The following MEF2C variants were observed in gnomAD, a reference collection of about 807,000 sequenced individuals.
MEF2C encodes myocyte-specific enhancer factor 2C.
A neutral mutation model predicts 50.5 loss-of-function variants in MEF2C; 6 were observed. That is an observed-to-expected ratio of 0.12 (90% confidence interval 0.07 to 0.23). The LOEUF is 0.23. Among genes scored for constraint, MEF2C ranks in the 10% least tolerant of loss-of-function variants. MEF2C has a pLI of 1.00. For synonymous variants in MEF2C, 183 were observed against 228.0 expected, an observed-to-expected ratio of 0.80 and a Z score of 1.78; for missense variants, 276 against 605.0, an observed-to-expected ratio of 0.46 and a Z score of 5.70.
intron 1 of MEF2C, among the ~76,000 whole-genome samples, chr5:88,878,287 G>C (rs1236064155): frequency 6.6e-6 from 1 of 151,958 alleles, no homozygotes; most frequent in Non-Finnish European, 1.5e-5. Flanking sequence ...GACACCTCAG[G>C]AAGAGGCCCA....
At chr5:88,798,423 A>G (rs1006461224) in intron 3 of MEF2C, among the ~76,000 whole-genome samples, 3 of 151,328 alleles carry the variant, frequency 2.0e-5, no homozygotes, top group South Asian at 2.1e-4. Context: ...CTTCCGCTTG[A>G]TCGATTTGGG....
chr5:88,822,346 A>G (rs1336900215), intron 2 of MEF2C, among the ~76,000 whole-genome samples: 1 of 151,990 alleles, frequency 6.6e-6, no homozygotes, highest in Non-Finnish European at 1.5e-5. Flanking sequence ...CTATAGGCCA[A>G]TTAAAAAATA....
chr5:88,881,434 G>A (rs1457072984), intron 1 of MEF2C, among the ~76,000 whole-genome samples: 1 of 152,098 alleles, frequency 6.6e-6, no homozygotes, highest in Non-Finnish European at 1.5e-5. Flanking sequence ...GAAACTGATG[G>A]AGAAACAAAA....
At chr5:88,860,862 T>C (rs1020301895) in intron 1 of MEF2C, among the ~76,000 whole-genome samples, 16 of 152,208 alleles carry the variant, frequency 1.1e-4, no homozygotes, top group African/African-American at 3.9e-4. Context: ...ATTTAGAGAA[T>C]TTAACAACTG....
intron 3 of MEF2C, among the ~76,000 whole-genome samples, chr5:88,773,148 C>T (rs768759029): frequency 2.3e-4 from 35 of 152,222 alleles, no homozygotes; most frequent in Non-Finnish European, 4.8e-4. Flanking sequence ...TTTTTCACCT[C>T]TGTATCCACA....
At chr5:88,843,493 T>C in intron 1 of MEF2C, 1 of 984,380 alleles carries the variant, frequency 1.0e-6, no homozygotes, top group Non-Finnish European at 1.2e-6. Context: ...CACAATTACA[T>C]TTAAACTACA....
intron 1 of MEF2C, among the ~76,000 whole-genome samples, chr5:88,851,840 T>G (rs1821480873): frequency 6.6e-6 from 1 of 152,156 alleles, no homozygotes; most frequent in Non-Finnish European, 1.5e-5. Context: ...TTTCAGCATC[T>G]CAAAGAGATT....
At chr5:88,800,924 A>C (rs1798063164) in intron 3 of MEF2C, among the ~76,000 whole-genome samples, 1 of 152,222 alleles carries the variant, frequency 6.6e-6, no homozygotes, top group South Asian at 2.1e-4. Context: ...TCATAAAAAA[A>C]CTGATCTCAG....
chr5:88,787,532 G>T (rs1297622980), intron 3 of MEF2C, among the ~76,000 whole-genome samples: 1 of 152,150 alleles, frequency 6.6e-6, no homozygotes, highest in Admixed American at 6.5e-5. Flanking sequence ...AACTGGAACT[G>T]AATTTTTAAT....
intron 1 of MEF2C, among the ~76,000 whole-genome samples, chr5:88,843,824 T>C (rs1818323337): frequency 1.4e-5 from 2 of 138,506 alleles, no homozygotes; most frequent in South Asian, 4.7e-4. Context: ...TTTTTTTTTT[T>C]GAGACGGAGT....
At chr5:88,881,755 G>C (rs1359479230) in intron 1 of MEF2C, among the ~76,000 whole-genome samples, 1 of 146,824 alleles carries the variant, frequency 6.8e-6, no homozygotes, top group Non-Finnish European at 1.5e-5. Flanking sequence ...GGTATAATGA[G>C]GTGGCTGGAG....
intron 1 of MEF2C, among the ~76,000 whole-genome samples, chr5:88,855,618 T>C (rs1290074610): frequency 1.3e-5 from 2 of 152,194 alleles, no homozygotes; most frequent in Non-Finnish European, 2.9e-5. Context: ...AACTGAATCA[T>C]AGGGGAGGTT....
intron 1 of MEF2C, among the ~76,000 whole-genome samples, chr5:88,896,944 TACACAC>T (rs58754057): frequency 4.0e-5 from 6 of 150,486 alleles, no homozygotes; most frequent in African/African-American, 4.9e-5. Context: ...TCAGTAAAGC[TACACAC>T]ACACACACAC....
intron 6 of MEF2C, chr5:88,738,703 CTA>C: frequency 1.0e-6 from 1 of 985,342 alleles, no homozygotes; most frequent in Non-Finnish European, 1.2e-6. Flanking sequence ...GAGGACACAA[CTA>C]GGGACAGGAC....
chr5:88,739,211 T>G (rs1199444255), intron 6 of MEF2C: 4 of 979,386 alleles, frequency 4.1e-6, no homozygotes, highest in Non-Finnish European at 4.9e-6. Context: ...TTTAGTAATT[T>G]GTTAATAGTA....
chr5:88,770,137 G>A (rs972532196), intron 3 of MEF2C, among the ~76,000 whole-genome samples: 35 of 152,080 alleles, frequency 2.3e-4, no homozygotes, highest in African/African-American at 8.2e-4. Flanking sequence ...TCAGAGAACA[G>A]GTTTTTTGAA....
At chr5:88,846,536 T>A (rs963917515) in intron 1 of MEF2C, among the ~76,000 whole-genome samples, 1 of 152,166 alleles carries the variant, frequency 6.6e-6, no homozygotes, top group Non-Finnish European at 1.5e-5. Flanking sequence ...AAAAGAAAAT[T>A]AAGCAGTAAA....
At chr5:88,769,953 A>G in intron 3 of MEF2C, 10 of 985,068 alleles carry the variant, frequency 1.0e-5, no homozygotes, top group Non-Finnish European at 1.2e-5. Flanking sequence ...GCCTATCCTA[A>G]TAATCTTTAT....
At chr5:88,900,556 CAAAT>C (rs1307171749) in intron 1 of MEF2C, among the ~76,000 whole-genome samples, 1 of 151,600 alleles carries the variant, frequency 6.6e-6, no homozygotes, top group African/African-American at 2.4e-5. Context: ...AATGGTAAGA[CAAAT>C]AAAAAACTTT....
Sources: allele counts gnomAD v4.1 joint callset (sites outside exome capture counted in the v4.1 genomes callset), GRCh38; gene constraint gnomAD v4.1.1; transcripts MANE v1.5; gene names NCBI Gene and HGNC (gene_info 2026-07-23, HGNC 2026-07-21).